The following PTPRD variants were observed in gnomAD, a reference collection of about 807,000 sequenced individuals.
The protein encoded by PTPRD is protein tyrosine phosphatase receptor type D.
In PTPRD, 34 loss-of-function variants were observed where a neutral mutation model predicts 214.5. The ratio of observed to expected loss-of-function variants is 0.16; its 90% confidence interval spans 0.12 to 0.21. PTPRD has a LOEUF of 0.21. Among genes scored for constraint, PTPRD ranks in the 10% least tolerant of loss-of-function variants. PTPRD has a pLI of 1.00. For synonymous variants in PTPRD, 1,128 were observed against 845.7 expected (o/e 1.33, Z -5.79); for missense variants, 2,545 against 2,398.7 (o/e 1.06, Z -1.27).
intron 12 of PTPRD, among the ~76,000 whole-genome samples, chr9:8,656,046 C>CA (rs1350942068): frequency 3.3e-5 from 5 of 152,168 alleles, no homozygotes; most frequent in African/African-American, 1.2e-4. Flanking sequence ...TCTCACTATT[C>CA]ATAAACAAAT....
chr9:8,327,553 T>G (rs80040007), intron 44 of PTPRD, among the ~76,000 whole-genome samples: 1 of 152,152 alleles, frequency 6.6e-6, no homozygotes, highest in African/African-American at 2.4e-5. Context: ...TTATTAGGTC[T>G]GCTTGGTCCA....
intron 39 of PTPRD, among the ~76,000 whole-genome samples, chr9:8,375,582 C>T (rs1433235113): frequency 6.6e-6 from 1 of 151,984 alleles, no homozygotes; most frequent in Non-Finnish European, 1.5e-5. Context: ...TCAGTCCAGC[C>T]CACAAGAACT....
intron 14 of PTPRD, among the ~76,000 whole-genome samples, chr9:8,603,619 T>C (rs546339648): frequency 6.6e-6 from 1 of 152,278 alleles, no homozygotes; most frequent in Non-Finnish European, 1.5e-5. Context: ...GTCACCCGAA[T>C]TCAGCAAGCA....
chr9:10,356,065 T>C (rs886817775), intron 2 of PTPRD, among the ~76,000 whole-genome samples: 4 of 152,162 alleles, frequency 2.6e-5, no homozygotes, highest in Admixed American at 2.0e-4. Context: ...ATTTCCATTT[T>C]TGGTTGTCAG....
intron 8 of PTPRD, among the ~76,000 whole-genome samples, chr9:9,415,191 G>C (rs2076630687): frequency 6.6e-6 from 1 of 152,136 alleles, no homozygotes; most frequent in Non-Finnish European, 1.5e-5. Context: ...AGTTCCTTCA[G>C]ATGGCATAAA....
intron 10 of PTPRD, among the ~76,000 whole-genome samples, chr9:9,081,122 G>A (rs2154421573): frequency 6.6e-6 from 1 of 152,182 alleles, no homozygotes; most frequent in East Asian, 1.9e-4. Flanking sequence ...GCTTTCTCCT[G>A]TGGGCATTTA....
At chr9:10,187,151 G>T (rs2099337620) in intron 3 of PTPRD, among the ~76,000 whole-genome samples, 1 of 151,986 alleles carries the variant, frequency 6.6e-6, no homozygotes, top group Non-Finnish European at 1.5e-5. Context: ...TTGATTGCCT[G>T]ATTTTTTATA....
At chr9:9,788,407 C>G (rs1254105861) in intron 5 of PTPRD, among the ~76,000 whole-genome samples, 1 of 151,248 alleles carries the variant, frequency 6.6e-6, no homozygotes, top group Non-Finnish European at 1.5e-5. Flanking sequence ...AAAAAATTAC[C>G]CGGGCATGGT....
At position 9,560,527 on chromosome 9, in the gene PTPRD, G is replaced by T. The variant is rs75611738; in HGVS notation, c.-237+14205C>A. 8.5e-3 allele frequency among the ~76,000 whole-genome samples: 1,292 copies of T among 152,236 alleles called. 10 individuals carry two copies. The highest frequency in any genetic ancestry group is 0.012 in the Non-Finnish European group (812 of 68,012). On this transcript the variant is annotated intron_variant, in intron 8 of 45. Transcript: ENST00000381196. Reference sequence around the variant, plus strand: ...CACTGCCTCCCATGTTTCCATTGAGGCTCATCCAAGCAGCACCACTGCCAC... The same window carrying T: ...CACTGCCTCCCATGTTTCCATTGAGTCTCATCCAAGCAGCACCACTGCCAC...
At chr9:8,540,437 TACAA>T (rs1322640199) in intron 14 of PTPRD, among the ~76,000 whole-genome samples, 2 of 152,102 alleles carry the variant, frequency 1.3e-5, no homozygotes, top group Non-Finnish European at 2.9e-5. Context: ...AGTATTTAAT[TACAA>T]ACAATGAACA....
At chr9:9,092,825 C>G (rs2099778160) in intron 10 of PTPRD, among the ~76,000 whole-genome samples, 1 of 151,914 alleles carries the variant, frequency 6.6e-6, no homozygotes, top group Non-Finnish European at 1.5e-5. Flanking sequence ...TTATGATCAT[C>G]AACCATACCA....
chr9:8,403,014 T>A (rs960945721), intron 36 of PTPRD, among the ~76,000 whole-genome samples: 13 of 152,070 alleles, frequency 8.5e-5, no homozygotes, highest in African/African-American at 3.1e-4. Flanking sequence ...CATGTTGAGG[T>A]AAGGAGGGCC....
intron 7 of PTPRD, among the ~76,000 whole-genome samples, chr9:9,641,902 G>A (rs553260615): frequency 1.3e-5 from 2 of 152,164 alleles, no homozygotes; most frequent in East Asian, 1.9e-4. Flanking sequence ...GAAGGCCTCA[G>A]GACTCAGACC....
chr9:8,457,503 G>A (rs1336445533), intron 33 of PTPRD, among the ~76,000 whole-genome samples: 1 of 151,792 alleles, frequency 6.6e-6, no homozygotes, highest in Non-Finnish European at 1.5e-5. Context: ...CAGATTACTA[G>A]ATTAAAAACA....
chr9:9,263,873 A>G (rs540459214), intron 9 of PTPRD, among the ~76,000 whole-genome samples: 9 of 151,698 alleles, frequency 5.9e-5, no homozygotes, highest in East Asian at 2.0e-4. Flanking sequence ...TCTGGGTGCA[A>G]TATACCCATG....
intron 9 of PTPRD, among the ~76,000 whole-genome samples, chr9:9,203,972 T>C (rs915520754): frequency 6.6e-6 from 1 of 152,194 alleles, no homozygotes; most frequent in Non-Finnish European, 1.5e-5. Context: ...TAGGTAAAGA[T>C]AGGCACAATA....
intron 2 of PTPRD, among the ~76,000 whole-genome samples, chr9:10,392,453 G>C (rs73644446): frequency 6.6e-6 from 1 of 151,798 alleles, no homozygotes; most frequent in Non-Finnish European, 1.5e-5. Flanking sequence ...AAACTCTACT[G>C]CATGAAATGC....
intron 5 of PTPRD, among the ~76,000 whole-genome samples, chr9:9,783,819 G>GTT (rs71485303): frequency 5.1e-5 from 7 of 137,476 alleles, no homozygotes; most frequent in East Asian, 2.1e-4. Context: ...CTCCTGCTTC[G>GTT]TTTTTTTTTT....
At chr9:9,417,337 C>T (rs1280457111) in intron 8 of PTPRD, among the ~76,000 whole-genome samples, 1 of 152,034 alleles carries the variant, frequency 6.6e-6, no homozygotes, top group Non-Finnish European at 1.5e-5. Flanking sequence ...CAATAATTTT[C>T]CATTATGTTA....
Sources: allele counts gnomAD v4.1 joint callset (sites outside exome capture counted in the v4.1 genomes callset), GRCh38; gene constraint gnomAD v4.1.1; transcripts MANE v1.5; gene names NCBI Gene and HGNC (gene_info 2026-07-23, HGNC 2026-07-21).